TCF20: variants seen among roughly 807,000 people sequenced by gnomAD.
TCF20 encodes the protein SPRE-binding protein.
TCF20 carries 3 observed loss-of-function variants against 148.6 expected under a neutral mutation model. The ratio of observed to expected loss-of-function variants is 0.02; its 90% CI spans 0.01 to 0.05. TCF20 has a LOEUF of 0.05. Ranked by LOEUF, TCF20 falls within the 10% of genes least tolerant of loss-of-function variation. The probability of loss-of-function intolerance (pLI) is 1.00; values close to 1 mark genes in which losing one functional copy is unlikely to be tolerated. For missense variants in TCF20, 2,350 were observed against 2,429.3 expected (o/e 0.97, Z 0.69); for synonymous variants, 1,049 against 909.5 (o/e 1.15, Z -2.76).
chr22:42,254,863 G>C (rs1236142928), intron 1 of TCF20, among the ~76,000 whole-genome samples: 1 of 150,520 alleles, frequency 6.6e-6, no homozygotes, highest in Admixed American at 6.7e-5. Context: ...TACTCTGGAG[G>C]CTGAGGCAGG....
At chr22:42,178,521 A>T (rs1032243275) in intron 3 of TCF20, among the ~76,000 whole-genome samples, 6 of 152,152 alleles carry the variant, frequency 3.9e-5, no homozygotes, top group Non-Finnish European at 7.4e-5. Context: ...AAAGAAAGTA[A>T]AAAGACAACT....
At chr22:42,175,747 G>A (rs1246554422) in intron 3 of TCF20, among the ~76,000 whole-genome samples, 1 of 151,976 alleles carries the variant, frequency 6.6e-6, no homozygotes, top group African/African-American at 2.4e-5. Context: ...AACATTTGGA[G>A]GAAAAAAGAG....
chr22:42,209,311 T>G (rs1920922829), intron 2 of TCF20, among the ~76,000 whole-genome samples: 5 of 152,034 alleles, frequency 3.3e-5, no homozygotes, highest in Admixed American at 3.3e-4. Flanking sequence ...GAGAAAGAAA[T>G]GAAGATGATG....
In TCF20 at chr22:42,338,216, C is replaced by G. The variant is rs776539560; in HGVS notation, c.-37+5263G>C. Among the ~76,000 whole-genome samples the G allele has an allele frequency of 1.4e-4, 21 of 152,260 alleles. No individual in the cohort carries two copies. The highest frequency in any genetic ancestry group is 2.6e-4 in the Non-Finnish European group (18 of 68,042). On this transcript the variant is annotated intron_variant, in intron 1 of 1. Coordinates refer to the TCF20 transcript ENST00000515426. The surrounding 1 kb of genome is among the most constrained non-coding windows in gnomAD (Gnocchi z 4.0). ...TGCAGCATGAGAAATCCCCTCGCAGCTGGGTCCCCAGTGCCCGCTCCGTGA... is the reference window on the plus strand; with the variant it reads ...TGCAGCATGAGAAATCCCCTCGCAGGTGGGTCCCCAGTGCCCGCTCCGTGA...
intron 1 of TCF20, among the ~76,000 whole-genome samples, chr22:42,265,643 C>G (rs1425413211): frequency 2.6e-5 from 4 of 152,188 alleles, no homozygotes; most frequent in Non-Finnish European, 2.9e-5. Context: ...AAGCCCCAGA[C>G]AGAATGAATG....
chr22:42,165,044 T>C (rs938396970), intron 5 of TCF20, among the ~76,000 whole-genome samples: 6 of 152,154 alleles, frequency 3.9e-5, no homozygotes, highest in African/African-American at 7.2e-5. Context: ...CTAATGAAGA[T>C]TGCACTTGGC....
chr22:42,233,084 C>T (rs1923578347), intron 1 of TCF20, among the ~76,000 whole-genome samples: 1 of 151,990 alleles, frequency 6.6e-6, no homozygotes, highest in Non-Finnish European at 1.5e-5. Context: ...CAATACCCGG[C>T]TAATTTTTGT....
chr22:42,333,233 G>C (rs954774393), intron 1 of TCF20, among the ~76,000 whole-genome samples: 2 of 148,796 alleles, frequency 1.3e-5, no homozygotes, highest in South Asian at 2.2e-4. Context: ...GAGGCTTTAG[G>C]GGATGGTGCA....
intron 1 of TCF20, among the ~76,000 whole-genome samples, chr22:42,230,370 A>T (rs774351072): frequency 1.3e-5 from 2 of 152,246 alleles, no homozygotes; most frequent in Non-Finnish European, 2.9e-5. Flanking sequence ...GTGGTATAAA[A>T]GCATAGCACA....
intron 2 of TCF20, among the ~76,000 whole-genome samples, chr22:42,199,295 C>A (rs961544656): frequency 1.2e-4 from 19 of 152,228 alleles, no homozygotes; most frequent in African/African-American, 4.6e-4. Context: ...TTTCTTCTGC[C>A]TTTTCCCATG....
rs3045578 is a variant in TCF20 at position 42,243,292 on chromosome 22, C to CAAAAAAAAAAAAAAAAA, written c.-37+27030_-37+27046dup. 6.1e-4 allele frequency among the ~76,000 whole-genome samples: 24 copies of CAAAAAAAAAAAAAAAAA among 39,498 alleles called. 5 individuals carry two copies. The highest frequency in any genetic ancestry group is 2.9e-3 in the East Asian group (2 of 678). The allele number at this position is 39,498 out of a possible 152,430, so 25.9% of individuals were successfully genotyped here. On this transcript the variant is annotated intron_variant, in intron 1 of 5. Transcript: ENST00000677622. ...TGGCTGGCAGAGCAAGACACTGTCTCAAAAAAAAAAAAAAAAAAAAAAAAA... is the reference window on the plus strand; with the variant it reads ...TGGCTGGCAGAGCAAGACACTGTCTCAAAAAAAAAAAAAAAAAAAAAAAAAAAAAAAAAAAAAAAAAA...
intron 1 of TCF20, among the ~76,000 whole-genome samples, chr22:42,256,544 T>A (rs1474608259): frequency 6.6e-6 from 1 of 152,138 alleles, no homozygotes; most frequent in Non-Finnish European, 1.5e-5. Context: ...CAGCTCAAAT[T>A]TCTCCTACTG....
At chr22:42,245,500 C>G (rs916581504) in intron 1 of TCF20, among the ~76,000 whole-genome samples, 5 of 152,142 alleles carry the variant, frequency 3.3e-5, no homozygotes, top group African/African-American at 1.2e-4. Context: ...GAACACTGAC[C>G]TACTTCTCCC....
At position 42,279,145 on chromosome 22, in the gene TCF20, T is replaced by G. The variant is rs1926845891; in HGVS notation, c.-37+4682A>C. On this transcript the variant is annotated intron_variant, in intron 1 of 5. Coordinates refer to the TCF20 transcript ENST00000359486. This position sits in a 1 kb window ranked among gnomAD's most constrained non-coding sequence, Gnocchi z 4.3. ...CTCTCTAGGCTTCCTTTACCCGTCCTGCCTCAGATGGACTCCCAGCATCAT... is the reference window on the plus strand; with the variant it reads ...CTCTCTAGGCTTCCTTTACCCGTCCGGCCTCAGATGGACTCCCAGCATCAT... 6.6e-6 allele frequency among the ~76,000 whole-genome samples: 1 copy of G among 152,192 alleles called. No individual in the cohort carries two copies. Among genetic ancestry groups the G allele is most frequent in the Non-Finnish European group, 1.5e-5 (1 of 68,010 alleles).
chr22:42,226,805 T>C (rs936138346), intron 1 of TCF20, among the ~76,000 whole-genome samples: 4 of 152,024 alleles, frequency 2.6e-5, no homozygotes, highest in African/African-American at 4.8e-5. Flanking sequence ...GCAAAAGCTA[T>C]ATGAAAATTA....
rs1937531081 is a variant in TCF20, at chr22:42,195,229, C to T, written c.5655+14422G>A. 2.0e-5 allele frequency among the ~76,000 whole-genome samples: 3 copies of T among 151,294 alleles called. No individual in the cohort carries two copies. In the South Asian group the frequency reaches 6.3e-4, roughly 32 times the overall value. ...CAACTCACATTTTTGTCCCCAGAGA[C>T]ATACACTGAAACTCATGAACAACAA... On this transcript the variant is annotated intron_variant, in intron 2 of 5. Coordinates refer to ENST00000677622, the MANE Select transcript of TCF20 (RefSeq NM_001378418.1).
chr22:42,219,177 A>G (rs1922097361), intron 1 of TCF20, among the ~76,000 whole-genome samples: 1 of 151,572 alleles, frequency 6.6e-6, no homozygotes, highest in Non-Finnish European at 1.5e-5. Context: ...TGAGGTCAGG[A>G]GTTCAAGACC....
At chr22:42,207,036 G>A (rs538439549) in intron 2 of TCF20, among the ~76,000 whole-genome samples, 2 of 152,274 alleles carry the variant, frequency 1.3e-5, no homozygotes, top group East Asian at 3.9e-4. Context: ...TGCAGTGGAG[G>A]AGCCCCCAGA....
chr22:42,226,129 A>G (rs551106614), intron 1 of TCF20, among the ~76,000 whole-genome samples: 13 of 152,174 alleles, frequency 8.5e-5, no homozygotes, highest in Non-Finnish European at 1.5e-4. Flanking sequence ...GGGCATCCCA[A>G]GATCACTTCA....
Sources: gnomAD v4.1 joint callset for allele counts (sites outside exome capture counted in the v4.1 genomes callset) on GRCh38, gnomAD v4.1.1 for gene constraint, Gnocchi (gnomAD v3.1) non-coding constraint, MANE v1.5 for transcripts, NCBI Gene and HGNC (gene_info 2026-07-23, HGNC 2026-07-21) for gene names.